WWOX: variants seen among roughly 807,000 people sequenced by gnomAD.
The protein encoded by WWOX is WW domain-containing oxidoreductase.
WWOX carries 69 observed loss-of-function variants against 46.2 expected under a neutral mutation model. The ratio of observed to expected loss-of-function variants is 1.49; its 90% confidence interval spans 1.23 to 1.82. The LOEUF is 1.82. Among genes scored for constraint, WWOX ranks in the 40% most tolerant of loss-of-function variants. The pLI is 0.00. For missense variants in WWOX, 919 were observed against 542.6 expected (o/e 1.69, Z -6.89); for synonymous variants, 359 against 202.6 (o/e 1.77, Z -6.56).
At chr16:78,900,297 C>A (rs556751955) in intron 8 of WWOX, among the ~76,000 whole-genome samples, 4 of 152,204 alleles carry the variant, frequency 2.6e-5, no homozygotes, top group African/African-American at 9.6e-5. Context: ...CTGGTTTCTC[C>A]ATACACTGAA....
chr16:78,662,532 C>G (rs1048732231), intron 8 of WWOX, among the ~76,000 whole-genome samples: 2 of 152,068 alleles, frequency 1.3e-5, no homozygotes, highest in Non-Finnish European at 2.9e-5. Flanking sequence ...CCCTTTGGAC[C>G]AGTTGCAAGG....
chr16:79,133,183 T>G (rs904761107), intron 8 of WWOX, among the ~76,000 whole-genome samples: 1 of 152,256 alleles, frequency 6.6e-6, no homozygotes, highest in South Asian at 2.1e-4. Context: ...ATTTATGTAA[T>G]TAAGCGAGTG....
intron 8 of WWOX, among the ~76,000 whole-genome samples, chr16:79,113,900 A>T (rs2049462277): frequency 6.6e-6 from 1 of 152,176 alleles, no homozygotes; most frequent in Non-Finnish European, 1.5e-5. Flanking sequence ...TGTGGAAGGA[A>T]TGTTTGAATC....
chr16:78,717,594 G>A (rs1017058590), intron 8 of WWOX, among the ~76,000 whole-genome samples: 5 of 152,176 alleles, frequency 3.3e-5, no homozygotes, highest in Non-Finnish European at 7.3e-5. Flanking sequence ...AGATTAATGA[G>A]TTGGGTTTTG....
At chr16:78,796,194 T>C in intron 8 of WWOX, among the ~76,000 whole-genome samples, 1 of 152,208 alleles carries the variant, frequency 6.6e-6, no homozygotes, top group East Asian at 1.9e-4. Flanking sequence ...CCTAGAACTG[T>C]CGTTGATTGC....
chr16:78,164,106 C>G (rs1315770239), intron 4 of WWOX, 77 bp from the exon 5 acceptor site: 39 of 1,331,658 alleles, frequency 2.9e-5, no homozygotes, highest in Non-Finnish European at 3.3e-5. Flanking sequence ...TTAAGTGGTG[C>G]TCCGGTAAAG....
At chr16:78,743,436 C>T (rs751059435) in intron 8 of WWOX, among the ~76,000 whole-genome samples, 1 of 152,044 alleles carries the variant, frequency 6.6e-6, no homozygotes, top group East Asian at 1.9e-4. Flanking sequence ...GATTCGGTGT[C>T]TACCCTCAAG....
chr16:79,094,528 G>C (rs542390367), intron 8 of WWOX, among the ~76,000 whole-genome samples: 1 of 152,086 alleles, frequency 6.6e-6, no homozygotes, highest in Non-Finnish European at 1.5e-5. Context: ...CTGGGATGAC[G>C]GGTGTGAGCC....
At chr16:79,091,379 C>A (rs1324621151) in intron 8 of WWOX, among the ~76,000 whole-genome samples, 1 of 151,862 alleles carries the variant, frequency 6.6e-6, no homozygotes, top group Non-Finnish European at 1.5e-5. Context: ...TCACTGCTTT[C>A]GTGAGCACAG....
rs575926610 is a variant in WWOX at position 78,365,039 on chromosome 16, C to T, written c.517-21821C>T. ...TGAGCTGTGGGTAATTCTTTGGGGC[C>T]GGTTAGACTTGGGTTCAAATTCTTT... On this transcript the variant is annotated intron_variant, in intron 5 of 8. Coordinates refer to ENST00000566780, the MANE Select transcript of WWOX (RefSeq NM_016373.4). Among the ~76,000 whole-genome samples the T allele has an allele frequency of 3.9e-5, 6 of 152,198 alleles. No homozygotes were observed. The South Asian group carries it at 6.2e-4, about 16-fold the overall frequency.
chr16:78,167,039 A>G (rs1285929833), intron 5 of WWOX: 2 of 152,378 alleles, frequency 1.3e-5, no homozygotes, highest in Admixed American at 1.3e-4. Flanking sequence ...CGCTAGTGAC[A>G]CTATGGTAAC....
chr16:78,745,713 C>G (rs1479517797), intron 8 of WWOX, among the ~76,000 whole-genome samples: 2 of 151,328 alleles, frequency 1.3e-5, no homozygotes, highest in Non-Finnish European at 2.9e-5. Flanking sequence ...CACACCCCCT[C>G]ATAGATTTCT....
At chr16:78,792,721 G>A (rs773680212) in intron 8 of WWOX, among the ~76,000 whole-genome samples, 1 of 152,146 alleles carries the variant, frequency 6.6e-6, no homozygotes, top group Non-Finnish European at 1.5e-5. Flanking sequence ...CATCTCACCT[G>A]TAGAAATCTT....
chr16:78,493,156 C>G (rs2738717), intron 8 of WWOX, among the ~76,000 whole-genome samples: 114,283 of 152,074 alleles, frequency 0.75, 44,974 homozygotes, highest in Admixed American at 0.87. Flanking sequence ...GGAGAAGGCT[C>G]GAAAAACTTC....
intron 6 of WWOX, among the ~76,000 whole-genome samples, chr16:78,409,217 ATGAAT>A (rs1173619032): frequency 6.6e-6 from 1 of 152,106 alleles, no homozygotes; most frequent in Non-Finnish European, 1.5e-5. Context: ...TTTTTTTGTA[ATGAAT>A]TGAGTTTTAA....
intron 8 of WWOX, among the ~76,000 whole-genome samples, chr16:78,941,396 C>T (rs1406780050): frequency 3.3e-5 from 5 of 152,136 alleles, no homozygotes; most frequent in African/African-American, 9.7e-5. Context: ...CCAAAGAAAG[C>T]CCTGGAGACA....
At chr16:78,984,026 T>C (rs1022671784) in intron 8 of WWOX, among the ~76,000 whole-genome samples, 19 of 151,716 alleles carry the variant, frequency 1.3e-4, no homozygotes, top group Admixed American at 1.1e-3. Flanking sequence ...TACAGGCGCC[T>C]GCCACCATGC....
intron 5 of WWOX, among the ~76,000 whole-genome samples, chr16:78,174,414 T>C (rs1318165811): frequency 6.6e-6 from 1 of 152,132 alleles, no homozygotes; most frequent in Non-Finnish European, 1.5e-5. Context: ...CCACAACATG[T>C]GGGAATCCTG....
intron 8 of WWOX, among the ~76,000 whole-genome samples, chr16:78,507,118 G>A (rs557775346): frequency 2.0e-5 from 3 of 152,196 alleles, no homozygotes; most frequent in African/African-American, 7.2e-5. Context: ...GACTTTGATA[G>A]TGTTCTTCTA....
Sources: allele counts gnomAD v4.1 joint callset (sites outside exome capture counted in the v4.1 genomes callset), GRCh38; gene constraint gnomAD v4.1.1; transcripts MANE v1.5; gene names NCBI Gene and HGNC (gene_info 2026-07-23, HGNC 2026-07-21).